The following DNAJC16 variants were observed in gnomAD, a reference collection of about 807,000 sequenced individuals.
DNAJC16 encodes the protein dnaJ homolog subfamily C member 16.
Under a neutral mutation model 92.7 loss-of-function variants are expected in DNAJC16, and 76 were observed. That is an observed-to-expected ratio of 0.82 (90% CI 0.68 to 0.99). The LOEUF (loss-of-function observed/expected upper bound fraction) is 0.99, where lower values mean the gene tolerates loss of function less well. DNAJC16 is among the 50% of genes least tolerant of loss of function. The probability of loss-of-function intolerance (pLI) is 0.00; values close to 1 mark genes in which losing one functional copy is unlikely to be tolerated. For missense variants in DNAJC16, 869 were observed against 942.4 expected, an observed-to-expected ratio of 0.92 and a Z score of 1.02; for synonymous variants, 328 against 358.7, an observed-to-expected ratio of 0.91 and a Z score of 0.97.
intron 3 of DNAJC16, 125 bp downstream of exon 3, chr1:15,534,428 T>C (rs2103404159): frequency 4.1e-6 from 4 of 985,036 alleles, no homozygotes; most frequent in Admixed American, 5.0e-5. Flanking sequence ...TTCTAGATTA[T>C]AATAGAGAGA....
chr1:15,558,419 TC>T lies in DNAJC16; in HGVS notation c.1024-1106del, dbSNP rs1227930996. On this transcript the variant is annotated intron_variant, in intron 7 of 14. Coordinates refer to ENST00000375847, the MANE Select transcript of DNAJC16 (RefSeq NM_015291.4). ...CCAGGCTGGTCTCGATCTTCTAAGCTCAAGCAATCCTCCTGCTTCGGCCTCC... is the reference window on the plus strand; with the variant it reads ...CCAGGCTGGTCTCGATCTTCTAAGCTAAGCAATCCTCCTGCTTCGGCCTCC... Among the ~76,000 whole-genome samples, 3 of 152,122 alleles carry T rather than the reference TC, an allele frequency of 2.0e-5. No homozygotes were observed. The East Asian group carries it at 5.8e-4, about 29-fold the overall frequency.
intron 3 of DNAJC16, 39 bp downstream of exon 3, chr1:15,534,342 A>G (rs746739260): frequency 6.2e-7 from 1 of 1,602,932 alleles, no homozygotes; most frequent in South Asian, 1.1e-5. Context: ...ATTAGCTCTT[A>G]CAAAATATGC....
chr1:15,556,283 G>A (rs983347525), intron 7 of DNAJC16, among the ~76,000 whole-genome samples: 2 of 152,046 alleles, frequency 1.3e-5, no homozygotes, highest in East Asian at 1.9e-4. Flanking sequence ...CGCCCAGGCT[G>A]GAGTGCAATG....
chr1:15,533,440 A>G (rs1345019522), intron 2 of DNAJC16, among the ~76,000 whole-genome samples: 1 of 152,238 alleles, frequency 6.6e-6, no homozygotes, highest in Non-Finnish European at 1.5e-5. Flanking sequence ...CAGCCCAGCC[A>G]ACATGGTGAA....
Position 15,567,931 on chromosome 1 carries a change from G to C in DNAJC16, c.2103G>C (p.Leu701=). 1 of 1,614,200 alleles carries C rather than the reference G, an allele frequency of 6.2e-7. No homozygotes were observed. Among genetic ancestry groups the C allele is most frequent in the Non-Finnish European group, 8.5e-7 (1 of 1,180,016 alleles). The change falls in exon 15 of 15, where the codon CTG becomes CTC. Residue 701 remains leucine (L), a synonymous_variant. Transcript: ENST00000375847. ...ACTACACTGGTTATGTACTGGCTCT[G>C]AATGGCCACAAGAAATACTTCTGCC... ...ERDYTGYVLA[L]NGHKKYFCLF...
chr1:15,539,571 A>G (rs1710883120), intron 4 of DNAJC16, among the ~76,000 whole-genome samples: 1 of 150,696 alleles, frequency 6.6e-6, no homozygotes, highest in Non-Finnish European at 1.5e-5. Context: ...CTTTTAAGAG[A>G]CATCATTCTG....
chr1:15,555,503 T>G (rs1242566643), intron 7 of DNAJC16, among the ~76,000 whole-genome samples: 1 of 138,282 alleles, frequency 7.2e-6, no homozygotes, highest in East Asian at 2.2e-4. Context: ...GCCAACATGG[T>G]GAAACCCCGT....
chr1:15,570,211 G>T lies in DNAJC16; in HGVS notation c.*2034G>T, dbSNP rs1032960195. 2 of 152,154 alleles carry T rather than the reference G, an allele frequency of 1.3e-5. No homozygotes were observed. The highest frequency in any genetic ancestry group is 2.9e-5 in the Non-Finnish European group (2 of 68,008). 9.4% of individuals were successfully genotyped at this position (152,154 alleles called of 1,614,324 possible). On this transcript the variant is annotated 3_prime_UTR_variant, in exon 15 of 15. Transcript: ENST00000375847. ...TAGAAATGGTCAAGGAATTCATTTG[G>T]CTCCTTGATACATCAGTCCTCAATA...
chr1:15,566,398 A>G, intron 13 of DNAJC16: 1 of 545,052 alleles, frequency 1.8e-6, no homozygotes, highest in Non-Finnish European at 3.3e-6. Context: ...GCAGAAGGAA[A>G]GAAGCCTATC....
intron 7 of DNAJC16, among the ~76,000 whole-genome samples, chr1:15,553,627 C>T (rs1390415331): frequency 6.6e-6 from 1 of 152,164 alleles, no homozygotes; most frequent in African/African-American, 2.4e-5. Context: ...GTGTGAAGCT[C>T]AGTGAATTCT....
Position 15,544,425 on chromosome 1 carries a change from G to A in DNAJC16, c.601G>A (p.Gly201Arg), listed in dbSNP as rs764770860. ...LGVGIGVVHAGYERRLAHHLG... is the reference protein window; with the variant it reads ...LGVGIGVVHARYERRLAHHLG... The stretch of plus-strand genomic sequence containing the variant: ...TGTAGGAATTGGCGTGGTCCATGCT[G>A]GGTATGAGAGACGCCTGGCCCATCA... Residue 201 changes from glycine to arginine, a missense_variant, in exon 5 of 15, where the codon GGG (glycine) becomes AGG (arginine). Gly to Arg is a moderately radical substitution (Grantham distance 125, BLOSUM62 -2). Transcript: ENST00000375847. 6.2e-7 allele frequency: 1 copy of A among 1,613,872 alleles called. No homozygotes were observed. The highest frequency in any genetic ancestry group is 1.1e-5 in the South Asian group (1 of 91,046).
At position 15,568,258 on chromosome 1, in the gene DNAJC16, C is replaced by T; in HGVS notation, c.*81C>T. 1.7e-6 allele frequency: 2 copies of T among 1,147,810 alleles called. No homozygotes were observed. The highest frequency in any genetic ancestry group is 2.5e-6 in the Non-Finnish European group (2 of 799,778). The allele number at this position is 1,147,810 out of a possible 1,614,324, so 71.1% of individuals were successfully genotyped here. Reference sequence around the variant, plus strand: ...CAGGTATTTTCAGGACTCAAACTACCACAATGAACAGAGTATAGATTTTAG... The same window carrying T: ...CAGGTATTTTCAGGACTCAAACTACTACAATGAACAGAGTATAGATTTTAG... On this transcript the variant is annotated 3_prime_UTR_variant, in exon 15 of 15. Transcript: ENST00000375847.
intron 4 of DNAJC16, among the ~76,000 whole-genome samples, chr1:15,538,413 GA>G (rs1262119258): frequency 1.3e-5 from 2 of 151,044 alleles, no homozygotes; most frequent in East Asian, 2.0e-4. Context: ...AAAATAAAAA[GA>G]AAAAAAGGAA....
At chr1:15,550,618 A>C (rs1174627261) in intron 7 of DNAJC16, among the ~76,000 whole-genome samples, 2 of 152,238 alleles carry the variant, frequency 1.3e-5, no homozygotes, top group Non-Finnish European at 2.9e-5. Flanking sequence ...AGCAGTTTTC[A>C]GAATGTGGTT....
chr1:15,570,323 A>C lies in DNAJC16; in HGVS notation c.*2146A>C, dbSNP rs1273431596. On this transcript the variant is annotated 3_prime_UTR_variant, in exon 15 of 15. Coordinates refer to ENST00000375847, the MANE Select transcript of DNAJC16 (RefSeq NM_015291.4). ...GGTTTTTATTTTTAATTTCTGTACT[A>C]ATGAAATTCCTGACTTTAATTTCTG... The C allele has an allele frequency of 1.3e-5, 2 of 152,172 alleles. No individual in the cohort carries two copies. Among genetic ancestry groups the C allele is most frequent in the Non-Finnish European group, 1.5e-5 (1 of 68,036 alleles). The allele number at this position is 152,172 out of a possible 1,614,324, so 9.4% of individuals were successfully genotyped here.
intron 4 of DNAJC16, among the ~76,000 whole-genome samples, chr1:15,542,721 G>A (rs1710961623): frequency 6.6e-6 from 1 of 152,218 alleles, no homozygotes; most frequent in South Asian, 2.1e-4. Flanking sequence ...GGTAGATAGT[G>A]TCAGAACTGA....
At chr1:15,537,527 C>T (rs1156679329) in intron 4 of DNAJC16, among the ~76,000 whole-genome samples, 4 of 152,118 alleles carry the variant, frequency 2.6e-5, no homozygotes, top group African/African-American at 9.7e-5. Context: ...CAAGAAATTC[C>T]TTCTGTATTT....
chr1:15,528,147 A>G (rs1236855005), intron 1 of DNAJC16, among the ~76,000 whole-genome samples: 3 of 152,348 alleles, frequency 2.0e-5, no homozygotes, highest in East Asian at 1.9e-4. Flanking sequence ...AATAATGACC[A>G]TATTGGCCGG....
chr1:15,533,873 A>C (rs1710718470), intron 2 of DNAJC16, among the ~76,000 whole-genome samples: 1 of 152,206 alleles, frequency 6.6e-6, no homozygotes, highest in Non-Finnish European at 1.5e-5. Context: ...AAACGTTGCC[A>C]TCCTAGGAGA....
Sources: allele counts gnomAD v4.1 joint callset (sites outside exome capture counted in the v4.1 genomes callset), GRCh38; gene constraint gnomAD v4.1.1; transcripts MANE v1.5; gene names NCBI Gene and HGNC (gene_info 2026-07-23, HGNC 2026-07-21).